The following KLF12 variants were observed in gnomAD, a reference collection of about 807,000 sequenced individuals.
The protein encoded by KLF12 is KLF transcription factor 12.
Under a neutral mutation model 37.8 loss-of-function variants are expected in KLF12, and 9 were observed. The observed-to-expected ratio is 0.24, with a 90% confidence interval of 0.14 to 0.42. The LOEUF is 0.42. Ranked by LOEUF, KLF12 falls within the 10% of genes least tolerant of loss-of-function variation. The pLI is 1.00. For missense variants in KLF12, 411 were observed against 516.0 expected, an observed-to-expected ratio of 0.80 and a Z score of 1.97; for synonymous variants, 208 against 202.1, an observed-to-expected ratio of 1.03 and a Z score of -0.25.
the KLF12 span, among the ~76,000 whole-genome samples, chr13:74,265,363 A>G: frequency 6.6e-6 from 1 of 152,190 alleles, no homozygotes. Flanking sequence ...TTGATCATTG[A>G]GTCTATAGAT....
At chr13:74,112,384 TTGTCTGTGTGTGTGTGTG>T (rs1877030798) in intron 1 of KLF12, among the ~76,000 whole-genome samples, 2 of 145,166 alleles carry the variant, frequency 1.4e-5, no homozygotes, top group Admixed American at 6.9e-5. Context: ...TTTGCAGATA[TTGTCTGTGTGTGTGTGTG>T]TGTGTGTGTG....
At chr13:74,194,603 C>T in the KLF12 span, among the ~76,000 whole-genome samples, 1 of 152,254 alleles carries the variant, frequency 6.6e-6, no homozygotes, top group South Asian at 2.1e-4. Flanking sequence ...CTAATTGCCT[C>T]TTAAAGGTTC....
intron 3 of KLF12, among the ~76,000 whole-genome samples, chr13:73,928,138 G>A (rs1052084806): frequency 1.3e-5 from 2 of 152,202 alleles, no homozygotes; most frequent in Non-Finnish European, 2.9e-5. Flanking sequence ...TTACAGGCGT[G>A]AGCCACCACA....
intron 2 of KLF12, among the ~76,000 whole-genome samples, chr13:73,947,317 G>A (rs758136662): frequency 1.6e-4 from 25 of 152,070 alleles, no homozygotes; most frequent in African/African-American, 5.8e-4. Context: ...CCATGTGCAC[G>A]GGATGAGAAG....
intron 3 of KLF12, among the ~76,000 whole-genome samples, chr13:73,908,008 G>A (rs970208269): frequency 3.9e-5 from 6 of 152,168 alleles, no homozygotes; most frequent in Non-Finnish European, 5.9e-5. Context: ...TGCCTGGAAT[G>A]AGAATAGTCT....
At chr13:74,227,740 G>A in the KLF12 span, among the ~76,000 whole-genome samples, 1 of 152,004 alleles carries the variant, frequency 6.6e-6, no homozygotes, top group African/African-American at 2.4e-5. Flanking sequence ...GAAACATAGA[G>A]TTTATTGTGA....
At chr13:73,726,765 T>G (rs1302172684) in intron 6 of KLF12, among the ~76,000 whole-genome samples, 2 of 152,250 alleles carry the variant, frequency 1.3e-5, no homozygotes, top group African/African-American at 4.8e-5. Context: ...GAACAGTTTT[T>G]GTGTAGACAT....
chr13:73,700,600 A>G (rs1016886337), intron 7 of KLF12, among the ~76,000 whole-genome samples: 22 of 152,036 alleles, frequency 1.4e-4, no homozygotes, highest in Admixed American at 1.2e-3. Context: ...AAAGAAAACA[A>G]TATCTTCAAT....
the KLF12 span, among the ~76,000 whole-genome samples, chr13:74,300,312 G>C: frequency 6.6e-6 from 1 of 152,076 alleles, no homozygotes; most frequent in Non-Finnish European, 1.5e-5. Context: ...GATTGTTCTT[G>C]ATTGCTGGCA....
At chr13:74,283,485 C>T in the KLF12 span, among the ~76,000 whole-genome samples, 4 of 152,296 alleles carry the variant, frequency 2.6e-5, no homozygotes, top group African/African-American at 9.6e-5. Flanking sequence ...TTCATCTAGA[C>T]AGGGTATAAA....
the KLF12 span, among the ~76,000 whole-genome samples, chr13:74,183,410 T>C: frequency 6.6e-6 from 1 of 152,036 alleles, no homozygotes; most frequent in Admixed American, 6.6e-5. Context: ...GAGAAAAATA[T>C]TTCTCCTTTC....
chr13:74,041,637 A>G (rs1163631674), intron 1 of KLF12, among the ~76,000 whole-genome samples: 2 of 151,790 alleles, frequency 1.3e-5, no homozygotes, highest in South Asian at 2.1e-4. Context: ...CAGCGTAATG[A>G]AAGAGAAATT....
intron 1 of KLF12, among the ~76,000 whole-genome samples, chr13:74,010,235 G>A (rs903040133): frequency 2.0e-5 from 3 of 151,932 alleles, no homozygotes; most frequent in Admixed American, 6.6e-5. Flanking sequence ...GCACCACCAC[G>A]CCCAGATGTT....
chr13:73,762,093 C>T (rs1271877596), intron 6 of KLF12, among the ~76,000 whole-genome samples: 11 of 152,092 alleles, frequency 7.2e-5, no homozygotes, highest in South Asian at 2.1e-4. Flanking sequence ...CTAATATACC[C>T]GCAAGAAGTT....
At chr13:74,241,539 C>G in the KLF12 span, among the ~76,000 whole-genome samples, 95 of 152,356 alleles carry the variant, frequency 6.2e-4, no homozygotes, top group African/African-American at 2.2e-3. Context: ...GCCCCTCCCC[C>G]AGCCTCGCTG....
At chr13:73,886,272 C>A (rs1594212201) in intron 3 of KLF12, among the ~76,000 whole-genome samples, 1 of 152,202 alleles carries the variant, frequency 6.6e-6, no homozygotes, top group East Asian at 1.9e-4. Context: ...CGTACATGAG[C>A]ATGGAGTACA....
At chr13:73,979,354 A>AAC (rs71115629) in intron 2 of KLF12, among the ~76,000 whole-genome samples, 37,510 of 139,368 alleles carry the variant, frequency 0.27, 4,841 homozygotes, top group Middle Eastern at 0.3. Context: ...TCTGCTTTTA[A>AAC]ACACACACAC....
chr13:74,075,824 T>TA (rs1180413729), intron 1 of KLF12, among the ~76,000 whole-genome samples: 2 of 152,190 alleles, frequency 1.3e-5, no homozygotes. Flanking sequence ...TTTAAACATC[T>TA]AGTAAAATTT....
At chr13:73,944,148 G>A (rs1322281300) in intron 2 of KLF12, 78 bp from the exon 3 acceptor site, 20 of 839,518 alleles carry the variant, frequency 2.4e-5, no homozygotes, top group Non-Finnish European at 3.8e-5. Flanking sequence ...TTCCCTCATT[G>A]TAGTACATTT....
Sources: gnomAD v4.1 joint callset for allele counts (sites outside exome capture counted in the v4.1 genomes callset) on GRCh38, gnomAD v4.1.1 for gene constraint, MANE v1.5 for transcripts, NCBI Gene and HGNC (gene_info 2026-07-23, HGNC 2026-07-21) for gene names.